The following RUFY1 variants were observed in gnomAD, a reference collection of about 807,000 sequenced individuals.
The protein encoded by RUFY1 is RUN and FYVE domain containing 1.
In RUFY1, 54 loss-of-function variants were observed where a neutral mutation model predicts 94.6. The ratio of observed to expected loss-of-function variants is 0.57; its 90% CI spans 0.46 to 0.72. The LOEUF is 0.72. Ranked by LOEUF, RUFY1 falls within the 30% of genes least tolerant of loss-of-function variation. The pLI is 0.00. For missense variants in RUFY1, 883 were observed against 883.9 expected, an observed-to-expected ratio of 1.00 and a Z score of 0.01; for synonymous variants, 396 against 347.3, an observed-to-expected ratio of 1.14 and a Z score of -1.56.
intron 1 of RUFY1, among the ~76,000 whole-genome samples, chr5:179,551,707 G>A (rs958886869): frequency 1.6e-4 from 22 of 141,660 alleles, no homozygotes; most frequent in African/African-American, 5.8e-4. Flanking sequence ...TAGAAACGGG[G>A]TTTCACCATC....
intron 3 of RUFY1, 111 bp downstream of exon 3, chr5:179,562,775 G>A (rs151087330): frequency 1.5e-6 from 1 of 688,846 alleles, no homozygotes; most frequent in African/African-American, 1.8e-5. Context: ...GAGCTCTGCT[G>A]CTCATTATCC....
intron 1 of RUFY1, chr5:179,559,800 C>T: frequency 7.7e-7 from 1 of 1,294,642 alleles, no homozygotes; most frequent in East Asian, 3.3e-5. Context: ...AGCAGGAGGC[C>T]CAGTGGCTCT....
intron 13 of RUFY1, among the ~76,000 whole-genome samples, chr5:179,597,336 C>T (rs6601057): frequency 0.99 from 151,149 of 152,128 alleles, 75,101 homozygotes; most frequent in East Asian, 1. Context: ...CCCGGGTTCA[C>T]GCCATTCTCC....
intron 2 of RUFY1, among the ~76,000 whole-genome samples, chr5:179,560,704 C>G (rs1291688120): frequency 3.8e-5 from 4 of 105,632 alleles, no homozygotes; most frequent in African/African-American, 1.5e-4. Flanking sequence ...CCAGCTTGGG[C>G]AACAGAGCAA....
At chr5:179,607,722 C>A in intron 17 of RUFY1, 63 bp downstream of exon 17, 3 of 1,421,128 alleles carry the variant, frequency 2.1e-6, no homozygotes, top group Non-Finnish European at 3.0e-6. Context: ...ATTCCCCTTT[C>A]TCTGGTTCCA....
chr5:179,576,334 T>G (rs1763610689), intron 5 of RUFY1, among the ~76,000 whole-genome samples: 1 of 152,244 alleles, frequency 6.6e-6, no homozygotes, highest in African/African-American at 2.4e-5. Flanking sequence ...TAGAGAATTT[T>G]CCTGAAATAT....
At chr5:179,578,887 G>A (rs993732388) in intron 6 of RUFY1, among the ~76,000 whole-genome samples, 20 of 150,546 alleles carry the variant, frequency 1.3e-4, no homozygotes, top group Non-Finnish European at 2.5e-4. Flanking sequence ...CAGATGATCC[G>A]CCTGCCTCAG....
chr5:179,598,941 G>T, intron 14 of RUFY1, 120 bp downstream of exon 14: 1 of 1,115,262 alleles, frequency 9.0e-7, no homozygotes, highest in African/African-American at 1.6e-5. Flanking sequence ...TCCAGGGTGT[G>T]GGGAGGCTGT....
In RUFY1 at chr5:179,593,759, G is replaced by C. The variant is rs994143760; in HGVS notation, c.1413+114G>C. The C allele has an allele frequency of 5.1e-5, 73 of 1,442,194 alleles. No individual in the cohort carries two copies. The African/African-American group carries it at 9.2e-4, about 18-fold the overall frequency. 89.3% of individuals were successfully genotyped at this position (1,442,194 alleles called of 1,614,324 possible). Reference sequence around the variant, plus strand: ...CACATAGAGCCCCTCGTATGTGTCAGACCTGCTCCTAGGACCTATTATGAT... The same window carrying C: ...CACATAGAGCCCCTCGTATGTGTCACACCTGCTCCTAGGACCTATTATGAT... On this transcript the variant is annotated intron_variant, in intron 11 of 17. Transcript: ENST00000319449.
intron 15 of RUFY1, 57 bp downstream of exon 15, chr5:179,602,043 TC>T: frequency 7.1e-7 from 1 of 1,404,218 alleles, no homozygotes; most frequent in Non-Finnish European, 1.0e-6. Context: ...ACCCACCACA[TC>T]CCTCAGGCCC....
intron 15 of RUFY1, 87 bp downstream of exon 15, chr5:179,602,073 G>C: frequency 9.0e-7 from 1 of 1,108,202 alleles, no homozygotes; most frequent in Non-Finnish European, 1.4e-6. Context: ...CCTCCTTTTG[G>C]CGAACGGAGG....
chr5:179,552,922 C>T (rs540272631), intron 1 of RUFY1, among the ~76,000 whole-genome samples: 2 of 152,200 alleles, frequency 1.3e-5, no homozygotes. Flanking sequence ...TAAACCTGTA[C>T]AAGTATTCAT....
At position 179,595,030 on chromosome 5, in the gene RUFY1, T is replaced by C. The variant is rs553886026; in HGVS notation, c.1511+67T>C. Reference sequence around the variant, plus strand: ...AGCATTCCCTGGGCCTGGAGACTTATTCAGAGTCCCTCTCCAAAGTGCAGG... The same window carrying C: ...AGCATTCCCTGGGCCTGGAGACTTACTCAGAGTCCCTCTCCAAAGTGCAGG... On this transcript the variant is annotated intron_variant, in intron 12 of 17. Transcript: ENST00000319449. 105 of 1,166,122 alleles carry C rather than the reference T, an allele frequency of 9.0e-5. No homozygotes were observed. The African/African-American group carries it at 9.7e-4, about 11-fold the overall frequency. 72.2% of individuals were successfully genotyped at this position (1,166,122 alleles called of 1,614,324 possible). A position where few individuals can be genotyped will look rare whatever the true frequency, so the allele number is the denominator to read the frequency against.
Position 179,609,549 on chromosome 5 carries a change from G to A in RUFY1, c.*30G>A, listed in dbSNP as rs747264170. 1 of 1,571,088 alleles carries A rather than the reference G, an allele frequency of 6.4e-7. No individual in the cohort carries two copies. ...CCGTCCTCAGGAGCACAGCCTCACG[G>A]ACAGTGCCAAACCCTGTGGGTCTCC... On this transcript the variant is annotated 3_prime_UTR_variant, in exon 18 of 18. Transcript: ENST00000319449.
intron 15 of RUFY1, 168 bp downstream of exon 15, chr5:179,602,154 A>G: frequency 1.6e-6 from 1 of 613,996 alleles, no homozygotes; most frequent in Non-Finnish European, 2.9e-6. Context: ...AGAGGGGCCC[A>G]GCACTGATCT....
intron 6 of RUFY1, among the ~76,000 whole-genome samples, chr5:179,579,657 C>CTTTTTTTCTTTTTTTTTTTTTTTTT (rs1763945195): frequency 2.0e-5 from 1 of 50,548 alleles, no homozygotes; most frequent in Non-Finnish European, 3.8e-5. Flanking sequence ...TTTTCTTCTT[C>CTTTTTTTCTTTTTTTTTTTTTTTTT]TTTTTTTTTT....
intron 17 of RUFY1, 31 bp downstream of exon 17, chr5:179,607,690 G>T: frequency 3.8e-6 from 6 of 1,583,744 alleles, no homozygotes; most frequent in Non-Finnish European, 5.2e-6. Context: ...CCCTCCCAGT[G>T]CCCTGAGTCG....
chr5:179,560,339 G>A, intron 2 of RUFY1, 141 bp downstream of exon 2: 5 of 1,066,260 alleles, frequency 4.7e-6, no homozygotes, highest in African/African-American at 1.6e-5. Flanking sequence ...ATTCAGAAGC[G>A]ACGTCCTAGA....
chr5:179,564,588 C>T (rs940708039), intron 3 of RUFY1, among the ~76,000 whole-genome samples: 1 of 151,816 alleles, frequency 6.6e-6, no homozygotes, highest in Non-Finnish European at 1.5e-5. Context: ...GGAGAATTGC[C>T]TGAACCCAGG....
Sources: allele counts gnomAD v4.1 joint callset (sites outside exome capture counted in the v4.1 genomes callset), GRCh38; gene constraint gnomAD v4.1.1; transcripts MANE v1.5; gene names NCBI Gene and HGNC (gene_info 2026-07-23, HGNC 2026-07-21).